Variants in ZNF185 observed in about 807,000 individuals in gnomAD.
ZNF185 encodes zinc finger protein 185.
A neutral mutation model predicts 58.6 loss-of-function variants in ZNF185; 56 were observed. The ratio of observed to expected loss-of-function variants is 0.95; its 90% CI spans 0.77 to 1.19. The LOEUF is 1.19. ZNF185 is among the 50% of genes most tolerant of loss of function. The probability of loss-of-function intolerance (pLI) is 0.00; values close to 1 mark genes in which losing one functional copy is unlikely to be tolerated. For missense variants in ZNF185, 627 were observed against 573.5 expected (o/e 1.09, Z -0.95); for synonymous variants, 230 against 215.9 (o/e 1.07, Z -0.57).
intron 17 of ZNF185, among the ~76,000 whole-genome samples, chrX:152,962,800 G>A (rs962423904): frequency 8.0e-5 from 9 of 112,585 alleles, no homozygotes; most frequent in African/African-American, 1.6e-4. Context: ...TGGTCTGTAC[G>A]GCTTGAGTGG....
chrX:152,918,705 G>A (rs1556867737), intron 6 of ZNF185, among the ~76,000 whole-genome samples: 1 of 112,118 alleles, frequency 8.9e-6, no homozygotes, highest in African/African-American at 3.2e-5. Context: ...ACAGAGGTGT[G>A]AATTGTGTCT....
intron 5 of ZNF185, chrX:152,917,784 T>C: frequency 9.7e-7 from 1 of 1,034,092 alleles, no homozygotes; most frequent in Non-Finnish European, 1.2e-6. Context: ...CATCAGGCAT[T>C]GCCTGGGACT....
chrX:152,920,205 T>TG, intron 7 of ZNF185, 123 bp from the exon 9 acceptor site: 1 of 556,070 alleles, frequency 1.8e-6, no homozygotes, highest in South Asian at 3.3e-5. Flanking sequence ...GCAAATCTGG[T>TG]TTCTCTCACC....
intron 15 of ZNF185, among the ~76,000 whole-genome samples, chrX:152,941,155 C>T (rs1472352132): frequency 8.9e-6 from 1 of 111,947 alleles, no homozygotes; most frequent in African/African-American, 3.3e-5. Flanking sequence ...CATCATGTGT[C>T]TTTTTCAAAG....
chrX:152,922,735 G>C (rs782058705), exon 11 of ZNF185: 2 of 1,200,125 alleles, frequency 1.7e-6, no homozygotes, highest in South Asian at 3.7e-5. Context: ...ATGGAGGCAG[G>C]ACCAAAGCGT....
chrX:152,943,586 C>T (rs1251128351), intron 15 of ZNF185, among the ~76,000 whole-genome samples: 1 of 112,510 alleles, frequency 8.9e-6, no homozygotes, highest in Non-Finnish European at 1.9e-5. Flanking sequence ...GAGTGTTTGC[C>T]TAAGATTTCC....
At chrX:152,911,966 A>G (rs1470265404), upstream of ZNF185, among the ~76,000 whole-genome samples, 2 of 88,942 alleles carry the variant, frequency 2.2e-5, no homozygotes, top group African/African-American at 8.7e-5. Context: ...CATCCCATCT[A>G]TCCCATCTGA....
exon 4 of ZNF185, chrX:152,917,168 C>T (rs782556062): frequency 1.2e-5 from 14 of 1,209,878 alleles, no homozygotes; most frequent in South Asian, 8.8e-5. Context: ...CTACATCATC[C>T]GGTAAGTGAC....
At chrX:152,918,044 A>G (rs1938876791) in intron 5 of ZNF185, 21 bp from the exon 7 acceptor site, 5 of 1,175,353 alleles carry the variant, frequency 4.3e-6, no homozygotes, top group Non-Finnish European at 5.7e-6. Context: ...AGGTAGACAC[A>G]TGGAACCTTC....
intron 15 of ZNF185, chrX:152,941,853 G>C (rs1432487812): frequency 2.6e-6 from 3 of 1,137,560 alleles, no homozygotes; most frequent in African/African-American, 3.6e-5. Flanking sequence ...GCCGCGGCCA[G>C]AGTGGCTTTG....
the ZNF185 span, among the ~76,000 whole-genome samples, chrX:152,901,946 A>G: frequency 6.2e-5 from 7 of 112,214 alleles, no homozygotes; most frequent in Admixed American, 4.7e-4. Context: ...GAAGGGTCCC[A>G]GAGGCCACTT....
the ZNF185 span, among the ~76,000 whole-genome samples, chrX:152,903,062 G>A: frequency 9.0e-6 from 1 of 111,234 alleles, no homozygotes; most frequent in African/African-American, 3.3e-5. Context: ...TGTGTGTGTA[G>A]GCGGGGGTGT....
In ZNF185 at chrX:152,916,925, TG is replaced by T. The variant is rs150270845; in HGVS notation, c.225-201del. ...GAGGAGTCACCTGGGGCACTTTTCC[TG>T]GGGGAGCATGAGGGAAATAGGCAGA... On this transcript the variant is annotated intron_variant, in intron 3 of 22. Transcript: ENST00000449285. Among the ~76,000 whole-genome samples the T allele has an allele frequency of 7.9e-3, 891 of 112,548 alleles. 6 individuals carry two copies. Among genetic ancestry groups the T allele is most frequent in the Non-Finnish European group, 0.014 (718 of 53,153 alleles).
exon 18 of ZNF185, chrX:152,963,916 C>G: frequency 2.5e-6 from 3 of 1,211,518 alleles, no homozygotes; most frequent in Non-Finnish European, 3.4e-6. Context: ...TATATTCCAG[C>G]CCCCGCAAGT....
At chrX:152,941,740 G>C in intron 15 of ZNF185, 1 of 1,165,019 alleles carries the variant, frequency 8.6e-7, no homozygotes, top group Non-Finnish European at 1.1e-6. Flanking sequence ...GGCCTCGGCG[G>C]GGATTCTCTT....
intron 16 of ZNF185, among the ~76,000 whole-genome samples, chrX:152,947,067 C>G (rs1556895854): frequency 8.9e-6 from 1 of 112,015 alleles, no homozygotes; most frequent in Non-Finnish European, 1.9e-5. Flanking sequence ...GATGAGGCTG[C>G]AAGTATTTTT....
intron 15 of ZNF185, among the ~76,000 whole-genome samples, chrX:152,941,454 G>C (rs782681330): frequency 1.8e-5 from 2 of 112,916 alleles, no homozygotes; most frequent in Non-Finnish European, 3.8e-5. Context: ...TATTTGGGAA[G>C]ACAGCAGGGA....
At chrX:152,942,253 C>T (rs1458798453) in intron 15 of ZNF185, among the ~76,000 whole-genome samples, 1 of 111,996 alleles carries the variant, frequency 8.9e-6, no homozygotes, top group Non-Finnish European at 1.9e-5. Context: ...CCGCCCTATT[C>T]CATCTTGGGC....
At chrX:152,957,108 G>A (rs189667147) in intron 16 of ZNF185, among the ~76,000 whole-genome samples, 15 of 96,314 alleles carry the variant, frequency 1.6e-4, no homozygotes, top group African/African-American at 5.8e-4. Context: ...GTCTTGTTCT[G>A]TCGCCTAGGC....
Sources: allele counts gnomAD v4.1 joint callset (sites outside exome capture counted in the v4.1 genomes callset), GRCh38; gene constraint gnomAD v4.1.1; transcripts MANE v1.5; gene names NCBI Gene and HGNC (gene_info 2026-07-23, HGNC 2026-07-21).